The following WDR59 variants were observed in gnomAD, a reference collection of about 807,000 sequenced individuals.
WDR59 encodes the protein WD repeat domain 59.
In WDR59, 100 loss-of-function variants were observed where a neutral mutation model predicts 131.2. That is an observed-to-expected ratio of 0.76 (90% confidence interval 0.65 to 0.90). The LOEUF (loss-of-function observed/expected upper bound fraction) is 0.90, where lower values mean the gene tolerates loss of function less well. Among genes scored for constraint, WDR59 ranks in the 40% least tolerant of loss-of-function variants. WDR59 has a pLI of 0.00. For synonymous variants in WDR59, 601 were observed against 466.2 expected, an observed-to-expected ratio of 1.29 and a Z score of -3.72; for missense variants, 1,203 against 1,262.2, an observed-to-expected ratio of 0.95 and a Z score of 0.71.
rs763325706 is a variant in WDR59 at position 74,923,973 on chromosome 16, G to C, written c.682C>G (p.Leu228Val). Residue 228 changes from leucine to valine, a missense_variant, in exon 9 of 26, where the codon CTC becomes GTC. By Grantham distance (32) the Leu-to-Val change is conservative (BLOSUM62 1). Transcript: ENST00000262144. ...FWDYRQPRKY[L>V]NILPCQVPVW... ...GGCACCTGGCAAGGAAGAATATTGA[G>C]GTATTTCCGAGGCTGGCGGTAATCC... 5 of 1,613,690 alleles carry C rather than the reference G, an allele frequency of 3.1e-6. No homozygotes were observed. The Admixed American group carries it at 6.7e-5, about 22-fold the overall frequency.
In WDR59 at chr16:74,916,088, G is replaced by C. The variant is rs367795054; in HGVS notation, c.1099+39C>G. ...ATCTGCCACAACTCTGCAATGCGTA[G>C]AGTGGCACCTTACCTGAGACATCAG... On this transcript the variant is annotated intron_variant, in intron 12 of 25. Coordinates refer to ENST00000262144, the MANE Select transcript of WDR59 (RefSeq NM_030581.4). 31 of 1,614,138 alleles carry C rather than the reference G, an allele frequency of 1.9e-5. 2 individuals are homozygous for C. Among genetic ancestry groups the C allele is most frequent in the Admixed American group, 1.3e-4 (8 of 60,018 alleles).
intron 8 of WDR59, among the ~76,000 whole-genome samples, chr16:74,934,665 C>A (rs1449671435): frequency 1.3e-5 from 2 of 152,284 alleles, no homozygotes; most frequent in Middle Eastern, 3.4e-3. Flanking sequence ...GAAGAAATAT[C>A]AGGGGCCAGG....
chr16:74,901,024 G>A (rs1181426094), intron 18 of WDR59, among the ~76,000 whole-genome samples: 10 of 152,174 alleles, frequency 6.6e-5, no homozygotes, highest in East Asian at 1.9e-4. Flanking sequence ...GCTTGAACCC[G>A]GAGGCAGAGG....
intron 23 of WDR59, 113 bp downstream of exon 23, chr16:74,887,570 G>C: frequency 1.9e-6 from 2 of 1,032,868 alleles, no homozygotes; most frequent in South Asian, 3.2e-5. Flanking sequence ...TAAATGTAAA[G>C]AGAAATAAGA....
intron 1 of WDR59, among the ~76,000 whole-genome samples, chr16:74,975,267 A>C (rs1399840356): frequency 6.6e-6 from 1 of 152,170 alleles, no homozygotes; most frequent in Non-Finnish European, 1.5e-5. Flanking sequence ...AGGCTGAGAC[A>C]GGAGAATCGC....
intron 1 of WDR59, among the ~76,000 whole-genome samples, chr16:74,969,123 C>T (rs2033882985): frequency 6.6e-6 from 1 of 152,154 alleles, no homozygotes; most frequent in South Asian, 2.1e-4. Flanking sequence ...GGAGGGGAAG[C>T]CCTGCAATGA....
At chr16:74,891,325 T>C (rs1394275746) in intron 20 of WDR59, among the ~76,000 whole-genome samples, 1 of 152,068 alleles carries the variant, frequency 6.6e-6, no homozygotes, top group Non-Finnish European at 1.5e-5. Flanking sequence ...GCATTAGGCA[T>C]GCAAAATCAA....
chr16:74,941,163 T>C (rs1170434632), intron 7 of WDR59, among the ~76,000 whole-genome samples: 1 of 148,564 alleles, frequency 6.7e-6, no homozygotes, highest in Non-Finnish European at 1.5e-5. Context: ...TCAGCAACCT[T>C]GTCTCTACAA....
chr16:74,959,546 TG>T (rs1567433447), intron 2 of WDR59: 2 of 453,646 alleles, frequency 4.4e-6, no homozygotes, highest in African/African-American at 4.0e-5. Flanking sequence ...AAGCATCGCT[TG>T]AGGCCCGGAG....
rs553775624 is a variant in WDR59, at chr16:74,894,155, G to A, written c.1867-343C>T. ...AATGTGGGAGAACAATTTTTAGATT[G>A]AATTCAGTCCTAGGTTCAAAATTCC... On this transcript the variant is annotated intron_variant, in intron 18 of 25. Coordinates refer to ENST00000262144, the MANE Select transcript of WDR59 (RefSeq NM_030581.4). Among the ~76,000 whole-genome samples, 5 of 152,256 alleles carry A rather than the reference G, an allele frequency of 3.3e-5. No individual in the cohort carries two copies. The South Asian group carries it at 1.0e-3, about 32-fold the overall frequency.
chr16:74,961,696 G>C (rs866377919), intron 2 of WDR59, among the ~76,000 whole-genome samples: 67 of 152,098 alleles, frequency 4.4e-4, no homozygotes, highest in African/African-American at 1.6e-3. Flanking sequence ...TTAGACCTTT[G>C]TCAGATGAAT....
chr16:74,882,807 CAAAAAAAAAAAAA>C (rs569507124), intron 25 of WDR59, among the ~76,000 whole-genome samples: 1 of 51,420 alleles, frequency 1.9e-5, no homozygotes. Context: ...AACACTGTCT[CAAAAAAAAAAAAA>C]AAAAAAAAAA....
At chr16:74,946,254 G>C (rs906060961) in intron 6 of WDR59, among the ~76,000 whole-genome samples, 5 of 152,158 alleles carry the variant, frequency 3.3e-5, no homozygotes, top group Admixed American at 1.3e-4. Context: ...AAGAAACATA[G>C]TATATTTGGT....
intron 14 of WDR59, among the ~76,000 whole-genome samples, chr16:74,910,770 T>C (rs1407567106): frequency 6.6e-6 from 1 of 152,160 alleles, no homozygotes; most frequent in Non-Finnish European, 1.5e-5. Context: ...ATCGCCAAGG[T>C]CTGATTTTTC....
At chr16:74,875,433 G>C (rs1567678552) in intron 25 of WDR59, among the ~76,000 whole-genome samples, 1 of 152,154 alleles carries the variant, frequency 6.6e-6, no homozygotes, top group East Asian at 1.9e-4. Flanking sequence ...AGCTTCACCA[G>C]CCTTTCCCCC....
chr16:74,924,784 T>C (rs1020732499), intron 8 of WDR59, among the ~76,000 whole-genome samples: 3 of 152,192 alleles, frequency 2.0e-5, no homozygotes, highest in African/African-American at 4.8e-5. Flanking sequence ...GAAATCGCTA[T>C]GGCAATTTCT....
chr16:74,965,868 G>A (rs1194311285), intron 1 of WDR59, 46 bp from the exon 2 acceptor site: 2 of 1,609,414 alleles, frequency 1.2e-6, no homozygotes, highest in Admixed American at 3.3e-5. Flanking sequence ...AACCCAGCCG[G>A]GGATAGAAGG....
intron 6 of WDR59, among the ~76,000 whole-genome samples, chr16:74,946,864 C>T (rs1328660120): frequency 6.6e-6 from 1 of 152,142 alleles, no homozygotes; most frequent in African/African-American, 2.4e-5. Context: ...GTACAGTAAC[C>T]ATTTCAGAGC....
chr16:74,980,890 A>AGGAGGT (rs2034376517), intron 1 of WDR59, among the ~76,000 whole-genome samples: 1 of 151,572 alleles, frequency 6.6e-6, no homozygotes, highest in African/African-American at 2.4e-5. Context: ...ACTTGAACCC[A>AGGAGGT]GGAGGTGGAG....
Sources: allele counts gnomAD v4.1 joint callset (sites outside exome capture counted in the v4.1 genomes callset), GRCh38; gene constraint gnomAD v4.1.1; transcripts MANE v1.5; gene names NCBI Gene and HGNC (gene_info 2026-07-23, HGNC 2026-07-21).